Variants in UCHL5 observed in about 807,000 individuals in gnomAD.
The protein encoded by UCHL5 is ubiquitin C-terminal hydrolase L5.
A neutral mutation model predicts 53.8 loss-of-function variants in UCHL5; 34 were observed. The ratio of observed to expected loss-of-function variants is 0.63; its 90% CI spans 0.48 to 0.84. The LOEUF is 0.84. Among genes scored for constraint, UCHL5 ranks in the 40% least tolerant of loss-of-function variants. UCHL5 has a pLI of 0.00. For synonymous variants in UCHL5, 111 were observed against 126.3 expected, an observed-to-expected ratio of 0.88 and a Z score of 0.81; for missense variants, 290 against 385.6, an observed-to-expected ratio of 0.75 and a Z score of 2.08.
At chr1:193,053,834 C>T (rs1189084943) in intron 1 of UCHL5, among the ~76,000 whole-genome samples, 1 of 152,068 alleles carries the variant, frequency 6.6e-6, no homozygotes, top group Non-Finnish European at 1.5e-5. Context: ...AAGCATGGTA[C>T]TAGGCCCTGG....
chr1:193,032,581 T>C (rs185765066), intron 3 of UCHL5, among the ~76,000 whole-genome samples: 271 of 152,138 alleles, frequency 1.8e-3, no homozygotes, highest in African/African-American at 5.8e-3. Context: ...ATCATCAGAG[T>C]GAACGGGCAA....
rs777301172 is a variant in UCHL5, at chr1:193,029,288, A to G, written c.456T>C (p.Asp152=). ...SFARQQMFEF[D]TKTSAKEEDA... Reference sequence around the variant, plus strand: ...CTTCTTCTTTTGCTGATGTCTTCGTATCAAATTCAAACATTTGCTGTCTAC... The same window carrying G: ...CTTCTTCTTTTGCTGATGTCTTCGTGTCAAATTCAAACATTTGCTGTCTAC... Residue 152 remains aspartate, a synonymous_variant, in exon 6 of 11, where the codon GAT becomes GAC. Transcript: ENST00000367454. The G allele has an allele frequency of 1.2e-5, 19 of 1,613,696 alleles. No homozygotes were observed. In the African/African-American group the frequency reaches 1.7e-4, roughly 15 times the overall value.
intron 10 of UCHL5, chr1:193,018,608 G>T (rs1389454844): frequency 8.0e-7 from 1 of 1,246,600 alleles, no homozygotes; most frequent in African/African-American, 1.6e-5. Context: ...GCCATGCCGA[G>T]GGAGAATCAC....
chr1:193,050,307 T>C (rs893957664), intron 2 of UCHL5, among the ~76,000 whole-genome samples: 8 of 152,238 alleles, frequency 5.3e-5, no homozygotes, highest in Admixed American at 5.2e-4. Context: ...GAATTGATGC[T>C]ACCATCTCAT....
In UCHL5 at chr1:193,059,348, C is replaced by T. The variant is rs1672055984; in HGVS notation, c.-88G>A. ...CGCCGGCCACAGATCTCAGCAAACC[C>T]GCCGCCGAGCTCGTCAACCACACGT... On this transcript the variant is annotated 5_prime_UTR_variant, in exon 1 of 11. Coordinates refer to ENST00000367454, the MANE Select transcript of UCHL5 (RefSeq NM_001199261.3). This position sits in a 1 kb window ranked among gnomAD's most constrained non-coding sequence, Gnocchi z 4.9. 6.2e-7 allele frequency: 1 copy of T among 1,605,696 alleles called. No individual in the cohort carries two copies. The highest frequency in any genetic ancestry group is 8.5e-7 in the Non-Finnish European group (1 of 1,176,366).
intron 3 of UCHL5, among the ~76,000 whole-genome samples, chr1:193,032,860 T>G (rs1661977333): frequency 6.6e-6 from 1 of 152,130 alleles, no homozygotes; most frequent in Non-Finnish European, 1.5e-5. Context: ...TGGCGATCAT[T>G]AAAAAGTCAG....
At chr1:193,018,717 C>G (rs1655758714) in intron 10 of UCHL5, 11 of 1,393,942 alleles carry the variant, frequency 7.9e-6, no homozygotes, top group Non-Finnish European at 9.4e-6. Context: ...AAAATCTCAT[C>G]CTGTAGAATC....
rs568524512 is a variant in UCHL5, at chr1:193,051,406, C to T, written c.140+348G>A. Among the ~76,000 whole-genome samples, 6 of 149,094 alleles carry T rather than the reference C, an allele frequency of 4.0e-5. No individual in the cohort carries two copies. The South Asian group carries it at 1.3e-3, about 32-fold the overall frequency. ...ATCAAATATGCTTTAGTACACTGAG[C>T]TATTGTTCTTGCTTTTTATGTTAAA... On this transcript the variant is annotated intron_variant, in intron 2 of 10. Transcript: ENST00000367454.
At chr1:193,029,053 T>C in intron 6 of UCHL5, 126 bp downstream of exon 6, 1 of 1,152,442 alleles carries the variant, frequency 8.7e-7, no homozygotes, top group Admixed American at 2.4e-5. Context: ...GCTTAAGGCC[T>C]TCATTATATT....
chr1:193,048,730 G>A (rs1046898138), intron 3 of UCHL5, among the ~76,000 whole-genome samples: 1 of 152,186 alleles, frequency 6.6e-6, no homozygotes, highest in African/African-American at 2.4e-5. Context: ...GGATCCAGCT[G>A]TGCTATTAAG....
At chr1:193,017,151 C>T (rs868614500) in intron 10 of UCHL5, among the ~76,000 whole-genome samples, 9 of 151,718 alleles carry the variant, frequency 5.9e-5, no homozygotes, top group Admixed American at 6.6e-5. Context: ...GCCTGAGGTT[C>T]TGTATTTCTA....
chr1:193,021,260 A>C, intron 9 of UCHL5, 65 bp from the exon 10 acceptor site: 1 of 1,086,590 alleles, frequency 9.2e-7, no homozygotes, highest in South Asian at 1.3e-5. Context: ...TATTCTTTGC[A>C]TCCAACTCAA....
At chr1:193,029,116 G>A in intron 6 of UCHL5, 63 bp downstream of exon 6, 4 of 1,576,926 alleles carry the variant, frequency 2.5e-6, no homozygotes, top group Non-Finnish European at 3.4e-6. Flanking sequence ...ACTGAATGAG[G>A]GTAAATACCC....
intron 3 of UCHL5, among the ~76,000 whole-genome samples, chr1:193,039,434 C>T (rs1011897778): frequency 2.0e-5 from 3 of 151,846 alleles, no homozygotes; most frequent in African/African-American, 4.8e-5. Context: ...ATCTAAAATA[C>T]CTAAGAATCA....
At chr1:193,019,759 AACAGTGGTTCTTTTACTT>A in intron 10 of UCHL5, 1 of 640,640 alleles carries the variant, frequency 1.6e-6, no homozygotes, top group Middle Eastern at 8.0e-4. Context: ...AAAATCAAAC[AACAGTGGTTCTTTTACTT>A]ACTAATTTGC....
In UCHL5 at chr1:193,015,797, C is replaced by T. The variant is rs1346943683; in HGVS notation, c.*554G>A. 3 of 152,066 alleles carry T rather than the reference C, an allele frequency of 2.0e-5. No individual in the cohort carries two copies. The highest frequency in any genetic ancestry group is 7.2e-5 in the African/African-American group (3 of 41,432). 9.4% of individuals were successfully genotyped at this position (152,066 alleles called of 1,614,324 possible). A position where few individuals can be genotyped will look rare whatever the true frequency, so the allele number is the denominator to read the frequency against. ...AATTGAGATGTTTATTACTTTTCTA[C>T]TGACAGCAGTGAAAATCACTGGAAA... On this transcript the variant is annotated 3_prime_UTR_variant, in exon 11 of 11. Coordinates refer to ENST00000367454, the MANE Select transcript of UCHL5 (RefSeq NM_001199261.3).
chr1:193,024,223 C>T (rs6672649), intron 7 of UCHL5, among the ~76,000 whole-genome samples: 102,837 of 150,882 alleles, frequency 0.68, 35,885 homozygotes, highest in Non-Finnish European at 0.76. Flanking sequence ...GTCTGGGCAA[C>T]AGAACAAGAC....
chr1:193,048,064 T>A (rs1281409337), intron 3 of UCHL5, among the ~76,000 whole-genome samples: 2 of 152,304 alleles, frequency 1.3e-5, no homozygotes, highest in East Asian at 3.9e-4. Context: ...TATACCAAGA[T>A]ATGCTAGTTA....
chr1:193,027,092 G>A (rs1279399811), intron 7 of UCHL5, among the ~76,000 whole-genome samples: 1 of 152,168 alleles, frequency 6.6e-6, no homozygotes, highest in African/African-American at 2.4e-5. Context: ...AGGCAGCAGG[G>A]AGAGAAGTGG....
Sources: gnomAD v4.1 joint callset for allele counts (sites outside exome capture counted in the v4.1 genomes callset) on GRCh38, gnomAD v4.1.1 for gene constraint, Gnocchi (gnomAD v3.1) non-coding constraint, MANE v1.5 for transcripts, NCBI Gene and HGNC (gene_info 2026-07-23, HGNC 2026-07-21) for gene names.